The following PPIP5K2 variants were observed in gnomAD, a reference collection of about 807,000 sequenced individuals.
PPIP5K2 encodes the protein diphosphoinositol pentakisphosphate kinase 2.
Under a neutral mutation model 154.6 loss-of-function variants are expected in PPIP5K2, and 105 were observed. The observed-to-expected ratio is 0.68, with a 90% CI of 0.58 to 0.80. PPIP5K2 has a LOEUF of 0.80. Among genes scored for constraint, PPIP5K2 ranks in the 30% least tolerant of loss-of-function variants. The pLI is 0.00. For missense variants in PPIP5K2, 992 were observed against 1,504.6 expected (o/e 0.66, Z 5.64); for synonymous variants, 480 against 490.3 (o/e 0.98, Z 0.28).
At chr5:103,167,979 A>T in intron 18 of PPIP5K2, 93 bp from the exon 19 acceptor site, 1 of 767,532 alleles carries the variant, frequency 1.3e-6, no homozygotes, top group Admixed American at 3.0e-5. Context: ...TGTATTTTTG[A>T]CACTTTAAAA....
intron 5 of PPIP5K2, among the ~76,000 whole-genome samples, chr5:103,141,327 G>A (rs556845288): frequency 1.3e-5 from 2 of 152,040 alleles, no homozygotes; most frequent in African/African-American, 2.4e-5. Flanking sequence ...TCGTGGTCTC[G>A]CTGGCTCAGG....
intron 17 of PPIP5K2, among the ~76,000 whole-genome samples, chr5:103,159,938 C>T (rs79918343): frequency 0.038 from 5,821 of 152,224 alleles, 155 homozygotes; most frequent in Non-Finnish European, 0.059. Flanking sequence ...CCTTCCTTTT[C>T]CAGCCTCTGG....
Position 103,177,844 on chromosome 5 carries a change from T to G in PPIP5K2, c.2638-20T>G, listed in dbSNP as rs80223758. 3.5e-4 allele frequency: 564 copies of G among 1,602,132 alleles called. 1 individual carries two copies. The African/African-American group carries it at 6.8e-3, about 19-fold the overall frequency. ...AGCTTAAAGTTTCTCATTTTGAAAATGTTCTGTCATATTTCTTAGGATCTT... is the reference window on the plus strand; with the variant it reads ...AGCTTAAAGTTTCTCATTTTGAAAAGGTTCTGTCATATTTCTTAGGATCTT... On this transcript the variant is annotated intron_variant, in intron 22 of 30. Coordinates refer to ENST00000358359, the MANE Select transcript of PPIP5K2 (RefSeq NM_001276277.3).
intron 17 of PPIP5K2, 44 bp downstream of exon 17, chr5:103,159,372 A>T: frequency 6.8e-7 from 1 of 1,465,682 alleles, no homozygotes; most frequent in Non-Finnish European, 9.2e-7. Context: ...TTACACACAC[A>T]CAGAAAAGTG....
intron 29 of PPIP5K2, among the ~76,000 whole-genome samples, chr5:103,192,297 A>C (rs1425704123): frequency 6.6e-6 from 1 of 152,128 alleles, no homozygotes; most frequent in Admixed American, 6.6e-5. Context: ...TAACTTCTCC[A>C]AGTGGTAAAC....
At chr5:103,191,003 T>A in intron 29 of PPIP5K2, 21 bp downstream of exon 29, 1 of 1,600,530 alleles carries the variant, frequency 6.2e-7, no homozygotes, top group Non-Finnish European at 8.5e-7. Flanking sequence ...TTTCTTTCAT[T>A]GTTATTATTT....
intron 8 of PPIP5K2, among the ~76,000 whole-genome samples, chr5:103,150,208 C>T (rs1794403538): frequency 6.6e-6 from 1 of 151,882 alleles, no homozygotes; most frequent in African/African-American, 2.4e-5. Context: ...TATTTTGTGC[C>T]TTAATAATTT....
Position 103,210,404 on chromosome 5 carries a change from G to T in PPIP5K2, c.*8770G>T, listed in dbSNP as rs1232865725. ...GAAAATATTTATATTTAACCATGAG[G>T]TTATGATGATTTTTTCTCTACACTT... is the stretch of plus-strand genomic sequence containing the variant. On this transcript the variant is annotated 3_prime_UTR_variant, in exon 31 of 31. Transcript: ENST00000358359. The T allele has an allele frequency of 6.6e-6, 1 of 152,012 alleles. No homozygotes were observed. Among genetic ancestry groups the T allele is most frequent in the Non-Finnish European group, 1.5e-5 (1 of 67,974 alleles). The allele number at this position is 152,012 out of a possible 1,614,324, so 9.4% of individuals were successfully genotyped here.
Position 103,137,795 on chromosome 5 carries a change from C to T in PPIP5K2, c.402-589C>T, listed in dbSNP as rs560147637. On this transcript the variant is annotated intron_variant, in intron 4 of 30. Transcript: ENST00000358359. ...ATATCTAAAATTTAAAACATTTTCTCTACATTTACATATTAATTCATATAT... is the reference window on the plus strand; with the variant it reads ...ATATCTAAAATTTAAAACATTTTCTTTACATTTACATATTAATTCATATAT... Among the ~76,000 whole-genome samples, 6 of 152,128 alleles carry T rather than the reference C, an allele frequency of 3.9e-5. No individual in the cohort carries two copies. The East Asian group carries it at 1.2e-3, about 29-fold the overall frequency.
chr5:103,169,762 G>A (rs1036785415), intron 19 of PPIP5K2, among the ~76,000 whole-genome samples: 7 of 151,600 alleles, frequency 4.6e-5, no homozygotes, highest in East Asian at 3.9e-4. Flanking sequence ...CTTTCATTTA[G>A]CAAATGAAAA....
In PPIP5K2 at chr5:103,153,867, A is replaced by T; in HGVS notation, c.1150A>T (p.Ile384Leu). ...SGTMMELRCV[I>L]AVIRHGDRTP... ...TTTTAGGATGGAACTTAGATGTGTC[A>T]TAGCTGTTATACGTCATGGGGATCG... The change falls in exon 11 of 31, where the codon ATA (isoleucine) becomes TTA (leucine). Residue 384 changes from isoleucine (I) to leucine (L), a missense_variant. Transcript: ENST00000358359. 6.2e-7 allele frequency: 1 copy of T among 1,605,354 alleles called. No individual in the cohort carries two copies. The highest frequency in any genetic ancestry group is 8.5e-7 in the Non-Finnish European group (1 of 1,175,868).
chr5:103,125,701 C>T (rs2149437602), intron 1 of PPIP5K2, among the ~76,000 whole-genome samples: 1 of 151,992 alleles, frequency 6.6e-6, no homozygotes, highest in Middle Eastern at 3.4e-3. Flanking sequence ...TGGTGCAATC[C>T]CGGCTTACTG....
Position 103,158,171 on chromosome 5 carries a change from A to G in PPIP5K2, c.1490-17A>G. On this transcript the variant is annotated splice_polypyrimidine_tract_variant and intron_variant, in intron 14 of 30. Coordinates refer to ENST00000358359, the MANE Select transcript of PPIP5K2 (RefSeq NM_001276277.3). ...AATAAACTTAACATTTGTTTTATTC[A>G]TTCATATGTGTCATAGACAGCCGAA... 1.2e-6 allele frequency: 2 copies of G among 1,608,574 alleles called. No individual in the cohort carries two copies. Among genetic ancestry groups the G allele is most frequent in the Non-Finnish European group, 1.7e-6 (2 of 1,176,176 alleles).
chr5:103,173,308 A>T (rs1554220022), intron 20 of PPIP5K2, 26 bp downstream of exon 20: 1 of 1,585,796 alleles, frequency 6.3e-7, no homozygotes, highest in Non-Finnish European at 8.6e-7. Flanking sequence ...GGTTATTTAA[A>T]TCTCTAGGCA....
At chr5:103,139,981 AG>A (rs1294842707) in intron 5 of PPIP5K2, among the ~76,000 whole-genome samples, 1 of 152,176 alleles carries the variant, frequency 6.6e-6, no homozygotes, top group Non-Finnish European at 1.5e-5. Flanking sequence ...TAGCCAGAGG[AG>A]AAAGAGAGGA....
chr5:103,200,167 G>A (rs1351981997), intron 30 of PPIP5K2, among the ~76,000 whole-genome samples: 5 of 152,148 alleles, frequency 3.3e-5, no homozygotes, highest in African/African-American at 1.2e-4. Context: ...AAAAATTTCA[G>A]TTCATTTTTT....
intron 5 of PPIP5K2, among the ~76,000 whole-genome samples, chr5:103,140,645 C>A (rs182497311): frequency 6.6e-6 from 1 of 151,248 alleles, no homozygotes; most frequent in African/African-American, 2.4e-5. Flanking sequence ...GTCAGGAGAT[C>A]GAGACCACGG....
intron 21 of PPIP5K2, among the ~76,000 whole-genome samples, chr5:103,176,706 G>C (rs943755147): frequency 6.6e-6 from 1 of 151,958 alleles, no homozygotes; most frequent in Non-Finnish European, 1.5e-5. Flanking sequence ...ATTTATCTGT[G>C]ATGTACGTAT....
chr5:103,156,593 C>T (rs1795455217), intron 14 of PPIP5K2, among the ~76,000 whole-genome samples: 1 of 152,116 alleles, frequency 6.6e-6, no homozygotes, highest in South Asian at 2.1e-4. Context: ...TCTGTCTTGC[C>T]TATCATATTG....
Sources: allele counts gnomAD v4.1 joint callset (sites outside exome capture counted in the v4.1 genomes callset), GRCh38; gene constraint gnomAD v4.1.1; transcripts MANE v1.5; gene names NCBI Gene and HGNC (gene_info 2026-07-23, HGNC 2026-07-21).